The following LRRTM4 variants were observed in gnomAD, a reference collection of about 807,000 sequenced individuals.
LRRTM4 encodes the protein leucine-rich repeat transmembrane neuronal protein 4.
A neutral mutation model predicts 47.6 loss-of-function variants in LRRTM4; 25 were observed. The observed-to-expected ratio is 0.53, with a 90% CI of 0.38 to 0.73. The LOEUF (loss-of-function observed/expected upper bound fraction) is 0.73, where lower values mean the gene tolerates loss of function less well. LRRTM4 is among the 30% of genes least tolerant of loss of function. The pLI is 0.00. For missense variants in LRRTM4, 638 were observed against 713.4 expected, an observed-to-expected ratio of 0.89 and a Z score of 1.20; for synonymous variants, 311 against 269.5, an observed-to-expected ratio of 1.15 and a Z score of -1.51.
chr2:77,500,126 A>G (rs1678517714), intron 3 of LRRTM4, among the ~76,000 whole-genome samples: 1 of 151,704 alleles, frequency 6.6e-6, no homozygotes, highest in Non-Finnish European at 1.5e-5. Context: ...GAGTCTTCCT[A>G]TCAGTTGTAA....
chr2:77,371,055 C>A (rs1407225325), intron 3 of LRRTM4, among the ~76,000 whole-genome samples: 2 of 151,666 alleles, frequency 1.3e-5, no homozygotes, highest in Non-Finnish European at 3.0e-5. Context: ...TCAACTCTTG[C>A]AAATCAAAGG....
intron 3 of LRRTM4, among the ~76,000 whole-genome samples, chr2:77,504,426 G>A (rs1001594001): frequency 6.6e-6 from 1 of 151,596 alleles, no homozygotes; most frequent in Non-Finnish European, 1.5e-5. Context: ...AAAGGTAACT[G>A]ATGAGGTAAA....
chr2:77,201,110 CAAT>C (rs1673962177), intron 3 of LRRTM4, among the ~76,000 whole-genome samples: 1 of 151,874 alleles, frequency 6.6e-6, no homozygotes, highest in African/African-American at 2.4e-5. Flanking sequence ...GACTTAGAAT[CAAT>C]GAGTTAAAAA....
chr2:77,417,189 G>A (rs901660660), intron 3 of LRRTM4, among the ~76,000 whole-genome samples: 10 of 152,144 alleles, frequency 6.6e-5, no homozygotes, highest in Non-Finnish European at 1.0e-4. Context: ...AAACCACAAT[G>A]AGATACCATC....
chr2:76,860,794 T>C (rs559112440), intron 3 of LRRTM4, among the ~76,000 whole-genome samples: 6 of 152,152 alleles, frequency 3.9e-5, no homozygotes, highest in South Asian at 2.1e-4. Flanking sequence ...ATTTAGAATA[T>C]TGTGATTAAA....
At chr2:77,203,199 A>G (rs1216896343) in intron 3 of LRRTM4, among the ~76,000 whole-genome samples, 1 of 151,776 alleles carries the variant, frequency 6.6e-6, no homozygotes, top group Admixed American at 6.6e-5. Context: ...TTTTTACCCA[A>G]TTTCCTATGA....
chr2:76,885,411 G>A lies in LRRTM4; in HGVS notation c.1552-136495C>T, dbSNP rs1673042160. On this transcript the variant is annotated intron_variant, in intron 3 of 3. Coordinates refer to ENST00000409884, the MANE Select transcript of LRRTM4 (RefSeq NM_001134745.3). ...TGAATGATCAACAACCAAAATATAT[G>A]CAGGATTTGAGATGACTGGTAAGCA... Among the ~76,000 whole-genome samples the A allele has an allele frequency of 2.0e-5, 3 of 151,308 alleles. No homozygotes were observed. The South Asian group carries it at 6.3e-4, about 32-fold the overall frequency.
At chr2:77,097,177 A>C (rs1016045298) in intron 3 of LRRTM4, among the ~76,000 whole-genome samples, 4 of 151,926 alleles carry the variant, frequency 2.6e-5, no homozygotes, top group African/African-American at 9.7e-5. Context: ...GACACCTGGA[A>C]GATATTGTAA....
chr2:76,892,709 C>A lies in LRRTM4; in HGVS notation c.1552-143793G>T, dbSNP rs1032467306. ...TAAAATGCACTTAGGAAAAGTTGGG[C>A]GATTAATGTGTATTTTAAATTCAGA... On this transcript the variant is annotated intron_variant, in intron 3 of 3. Coordinates refer to ENST00000409884, the MANE Select transcript of LRRTM4 (RefSeq NM_001134745.3). 4.6e-5 allele frequency among the ~76,000 whole-genome samples: 7 copies of A among 151,420 alleles called. No homozygotes were observed. In the East Asian group the frequency reaches 1.2e-3, roughly 25 times the overall value.
chr2:77,388,716 C>A (rs965316331), intron 3 of LRRTM4, among the ~76,000 whole-genome samples: 4 of 151,912 alleles, frequency 2.6e-5, no homozygotes, highest in Non-Finnish European at 5.9e-5. Flanking sequence ...TAAGTCTTGA[C>A]CATCTTTTCC....
In LRRTM4 at chr2:77,207,372, T is replaced by TATATATATATATATACACACAC. The variant is rs59335400; in HGVS notation, c.1551+310945_1551+310946insGTGTGTGTATATATATATATAT. Among the ~76,000 whole-genome samples, 796 of 130,652 alleles carry TATATATATATATATACACACAC rather than the reference T, an allele frequency of 6.1e-3. 10 individuals are homozygous for TATATATATATATATACACACAC. Among genetic ancestry groups the TATATATATATATATACACACAC allele is most frequent in the East Asian group, 0.029 (104 of 3,582 alleles). The allele number at this position is 130,652 out of a possible 152,430, so 85.7% of individuals were successfully genotyped here. ...GTGTATATATATATATATATATATA[T>TATATATATATATATACACACAC]ACACACACACATATTTATATACACA... On this transcript the variant is annotated intron_variant, in intron 3 of 3. Transcript: ENST00000409884.
intron 3 of LRRTM4, among the ~76,000 whole-genome samples, chr2:76,914,655 A>T (rs1244475725): frequency 6.6e-6 from 1 of 152,162 alleles, no homozygotes; most frequent in Non-Finnish European, 1.5e-5. Flanking sequence ...TGACTCAAAA[A>T]ACTTCTATTT....
At chr2:76,958,170 T>G (rs1675737790) in intron 3 of LRRTM4, among the ~76,000 whole-genome samples, 1 of 151,678 alleles carries the variant, frequency 6.6e-6, no homozygotes, top group African/African-American at 2.4e-5. Flanking sequence ...ATTTATAGAA[T>G]AGCTAACCTC....
chr2:77,061,180 G>A (rs1309777088), intron 3 of LRRTM4, among the ~76,000 whole-genome samples: 1 of 151,510 alleles, frequency 6.6e-6, no homozygotes, highest in East Asian at 1.9e-4. Context: ...ATATCACAAT[G>A]TAATGTGAGA....
chr2:77,521,958 G>C (rs1463786935), intron 1 of LRRTM4, 140 bp from the exon 2 acceptor site: 3 of 610,694 alleles, frequency 4.9e-6, no homozygotes, highest in African/African-American at 1.9e-5. Flanking sequence ...ATAGGGATGG[G>C]GGAGGGCCTC....
At chr2:77,155,400 G>A (rs551927273) in intron 3 of LRRTM4, among the ~76,000 whole-genome samples, 1 of 151,904 alleles carries the variant, frequency 6.6e-6, no homozygotes, top group Non-Finnish European at 1.5e-5. Flanking sequence ...TATAAAGCAT[G>A]TATTTCCTAA....
chr2:77,453,728 G>T (rs959792228), intron 3 of LRRTM4, among the ~76,000 whole-genome samples: 1 of 151,896 alleles, frequency 6.6e-6, no homozygotes, highest in Admixed American at 6.6e-5. Context: ...TATTTCTGTG[G>T]TATTTCTTTT....
At chr2:77,330,812 G>A (rs1338621338) in intron 3 of LRRTM4, among the ~76,000 whole-genome samples, 2 of 152,060 alleles carry the variant, frequency 1.3e-5, no homozygotes, top group African/African-American at 4.8e-5. Context: ...ATAAAATATA[G>A]GAAGTTTCAT....
chr2:76,902,768 C>A (rs1673684680), intron 3 of LRRTM4, among the ~76,000 whole-genome samples: 1 of 152,190 alleles, frequency 6.6e-6, no homozygotes, highest in Non-Finnish European at 1.5e-5. Context: ...TGTCTAGAAT[C>A]AAACTGCCCT....
Sources: allele counts gnomAD v4.1 joint callset (sites outside exome capture counted in the v4.1 genomes callset), GRCh38; gene constraint gnomAD v4.1.1; transcripts MANE v1.5; gene names NCBI Gene and HGNC (gene_info 2026-07-23, HGNC 2026-07-21).